The following MAN1C1 variants were observed in gnomAD, a reference collection of about 807,000 sequenced individuals.
MAN1C1 encodes the protein mannosyl-oligosaccharide 1,2-alpha-mannosidase IC.
A neutral mutation model predicts 71.5 loss-of-function variants in MAN1C1; 49 were observed. The observed-to-expected ratio is 0.69, with a 90% CI of 0.54 to 0.87. The LOEUF (loss-of-function observed/expected upper bound fraction) is 0.87, where lower values mean the gene tolerates loss of function less well. Ranked by LOEUF, MAN1C1 falls within the 40% of genes least tolerant of loss-of-function variation. The pLI is 0.00. For synonymous variants in MAN1C1, 352 were observed against 343.7 expected, an observed-to-expected ratio of 1.02 and a Z score of -0.27; for missense variants, 743 against 835.0, an observed-to-expected ratio of 0.89 and a Z score of 1.36.
chr1:25,685,712 T>G (rs2046220658), intron 1 of MAN1C1, among the ~76,000 whole-genome samples: 1 of 152,198 alleles, frequency 6.6e-6, no homozygotes, highest in African/African-American at 2.4e-5. Context: ...AGGCATCCAT[T>G]GTGCCAAGCC....
In MAN1C1 at chr1:25,784,074, A is replaced by G. The variant is rs1056874342; in HGVS notation, c.*285A>G. ...CAGGGCCAAAGGACCGGAGGTTTGC[A>G]TATCCGCCCCTTGTATTTGATTTGC... On this transcript the variant is annotated 3_prime_UTR_variant, in exon 12 of 12. Transcript: ENST00000374332. The G allele has an allele frequency of 3.1e-6, 1 of 326,956 alleles. No individual in the cohort carries two copies. Among genetic ancestry groups the G allele is most frequent in the Non-Finnish European group, 5.6e-6 (1 of 178,184 alleles). 20.3% of individuals were successfully genotyped at this position (326,956 alleles called of 1,614,324 possible). A position where few individuals can be genotyped will look rare whatever the true frequency, so the allele number is the denominator to read the frequency against.
intron 6 of MAN1C1, 96 bp downstream of exon 6, chr1:25,758,805 T>C: frequency 1.8e-6 from 2 of 1,103,972 alleles, no homozygotes; most frequent in Non-Finnish European, 2.8e-6. Flanking sequence ...CCCTCATGGA[T>C]CAGCAGGAGG....
At chr1:25,748,177 G>A (rs1251680665) in intron 3 of MAN1C1, among the ~76,000 whole-genome samples, 10 of 152,174 alleles carry the variant, frequency 6.6e-5, no homozygotes, top group Non-Finnish European at 1.5e-5. Context: ...CAGGCAGGTG[G>A]GGCAGGTGAG....
chr1:25,669,489 G>C (rs1180339985), intron 1 of MAN1C1, among the ~76,000 whole-genome samples: 1 of 152,118 alleles, frequency 6.6e-6, no homozygotes, highest in Non-Finnish European at 1.5e-5. Context: ...TGGCACCATC[G>C]GGCACACTGG....
At position 25,730,454 on chromosome 1, in the gene MAN1C1, A is replaced by G. The variant is rs2046893528; in HGVS notation, c.638-16214A>G. ...CCATCCTCGAAAACCTTAGCTGAGA[A>G]TGACAAATACTAGGGGCTTTAATTG... On this transcript the variant is annotated intron_variant, in intron 2 of 11. Coordinates refer to ENST00000374332, the MANE Select transcript of MAN1C1 (RefSeq NM_020379.4). The surrounding 1 kb of genome is among the most constrained non-coding windows in gnomAD (Gnocchi z 4.3). Among the ~76,000 whole-genome samples, 1 of 152,056 alleles carries G rather than the reference A, an allele frequency of 6.6e-6. No homozygotes were observed. Among genetic ancestry groups the G allele is most frequent in the East Asian group, 1.9e-4 (1 of 5,184 alleles).
At chr1:25,677,895 G>A (rs551973620) in intron 1 of MAN1C1, among the ~76,000 whole-genome samples, 26 of 116,236 alleles carry the variant, frequency 2.2e-4, no homozygotes, top group African/African-American at 4.8e-4. Context: ...AACTTGGTCC[G>A]ACCTACCCCA....
chr1:25,672,453 C>G (rs538928785), intron 1 of MAN1C1, among the ~76,000 whole-genome samples: 1 of 152,206 alleles, frequency 6.6e-6, no homozygotes. Context: ...TGAACCATCA[C>G]AGGGAGAATC....
intron 1 of MAN1C1, among the ~76,000 whole-genome samples, chr1:25,655,961 T>A (rs1263755240): frequency 6.6e-6 from 1 of 151,898 alleles, no homozygotes; most frequent in Non-Finnish European, 1.5e-5. Flanking sequence ...CTGGGGGTGC[T>A]CAGGAGCTGT....
intron 2 of MAN1C1, among the ~76,000 whole-genome samples, chr1:25,743,484 C>T (rs559026606): frequency 6.6e-6 from 1 of 152,198 alleles, no homozygotes; most frequent in African/African-American, 2.4e-5. Flanking sequence ...CCAGCCTGAC[C>T]GCTGAGTAGC....
intron 1 of MAN1C1, among the ~76,000 whole-genome samples, chr1:25,681,757 A>G (rs1391456211): frequency 1.3e-5 from 2 of 152,114 alleles, no homozygotes; most frequent in Non-Finnish European, 2.9e-5. Flanking sequence ...CCAACCAGCC[A>G]TGTATGAGGG....
intron 1 of MAN1C1, among the ~76,000 whole-genome samples, chr1:25,652,431 G>T (rs1366329678): frequency 1.3e-5 from 2 of 152,238 alleles, no homozygotes; most frequent in Admixed American, 1.3e-4. Context: ...GTGTTCTCAA[G>T]TTCTGTTCCA....
At chr1:25,633,145 A>G (rs1172233654) in intron 1 of MAN1C1, among the ~76,000 whole-genome samples, 1 of 152,188 alleles carries the variant, frequency 6.6e-6, no homozygotes, top group Non-Finnish European at 1.5e-5. Flanking sequence ...AATTACAGGC[A>G]TGAGCCACTG....
intron 6 of MAN1C1, chr1:25,760,915 C>T (rs2047351703): frequency 6.6e-6 from 1 of 152,282 alleles, no homozygotes; most frequent in South Asian, 2.1e-4. Flanking sequence ...GCAAACCCAG[C>T]CTCTTTCTGC....
rs2047516334 is a variant in MAN1C1 at position 25,769,428 on chromosome 1, C to T, written c.1142-2229C>T. The stretch of plus-strand genomic sequence containing the variant: ...ACACACAAGCTGTAAAGCAGTGGGA[C>T]TTTCACATGTGAGATGCCCACATAA... On this transcript the variant is annotated intron_variant, in intron 7 of 11. Coordinates refer to ENST00000374332, the MANE Select transcript of MAN1C1 (RefSeq NM_020379.4). The surrounding 1 kb of genome is among the most constrained non-coding windows in gnomAD (Gnocchi z 4.8). Among the ~76,000 whole-genome samples, 1 of 152,014 alleles carries T rather than the reference C, an allele frequency of 6.6e-6. No individual in the cohort carries two copies. Among genetic ancestry groups the T allele is most frequent in the South Asian group, 2.1e-4 (1 of 4,832 alleles).
chr1:25,751,411 T>A (rs1454465617), intron 4 of MAN1C1, among the ~76,000 whole-genome samples: 1 of 152,294 alleles, frequency 6.6e-6, no homozygotes, highest in East Asian at 1.9e-4. Context: ...AGGGCATCTG[T>A]GGTTCTGAGA....
rs547325585 is a variant in MAN1C1 at position 25,769,078 on chromosome 1, A to C, written c.1142-2579A>C. On this transcript the variant is annotated intron_variant, in intron 7 of 11. Transcript: ENST00000374332. This position sits in a 1 kb window ranked among gnomAD's most constrained non-coding sequence, Gnocchi z 4.8. ...CACTACACACCACCCACACTCCCAC[A>C]CACACACCTATCACCCACACTCCCT... Among the ~76,000 whole-genome samples the C allele has an allele frequency of 7.7e-6, 1 of 129,862 alleles. No individual in the cohort carries two copies. Among genetic ancestry groups the C allele is most frequent in the Admixed American group, 7.7e-5 (1 of 12,958 alleles). 85.2% of individuals were successfully genotyped at this position (129,862 alleles called of 152,430 possible).
At chr1:25,719,780 TTTTG>T (rs573468036) in intron 2 of MAN1C1, among the ~76,000 whole-genome samples, 20 of 152,036 alleles carry the variant, frequency 1.3e-4, no homozygotes, top group African/African-American at 2.4e-4. Flanking sequence ...CTCATTGTTA[TTTTG>T]TTTGTTTGTT....
At chr1:25,751,321 C>CTCCT (rs1382822963) in intron 4 of MAN1C1, among the ~76,000 whole-genome samples, 6 of 151,992 alleles carry the variant, frequency 3.9e-5, no homozygotes, top group Non-Finnish European at 8.8e-5. Context: ...CTGTCTTTTT[C>CTCCT]TCCTTCCATC....
intron 2 of MAN1C1, among the ~76,000 whole-genome samples, chr1:25,692,223 A>G (rs1404084518): frequency 2.0e-5 from 3 of 152,314 alleles, no homozygotes; most frequent in Non-Finnish European, 4.4e-5. Context: ...CTGTCAAAAC[A>G]GAGCTCTGCC....
Sources: gnomAD v4.1 joint callset for allele counts (sites outside exome capture counted in the v4.1 genomes callset) on GRCh38, gnomAD v4.1.1 for gene constraint, Gnocchi (gnomAD v3.1) non-coding constraint, MANE v1.5 for transcripts, NCBI Gene and HGNC (gene_info 2026-07-23, HGNC 2026-07-21) for gene names.